Variants in CEP192 observed in about 807,000 individuals in gnomAD.
CEP192 encodes centrosomal protein of 192 kDa.
CEP192 carries 151 observed loss-of-function variants against 271.8 expected under a neutral mutation model. That is an observed-to-expected ratio of 0.56 (90% confidence interval 0.49 to 0.64). CEP192 has a LOEUF of 0.64. CEP192 is among the 30% of genes least tolerant of loss of function. The pLI, the probability that CEP192 is intolerant of heterozygous loss-of-function variation, is 0.00. For missense variants in CEP192, 2,910 were observed against 3,020.5 expected (o/e 0.96, Z 0.86); for synonymous variants, 995 against 1,076.5 (o/e 0.92, Z 1.48).
At chr18:13,091,705 A>C (rs1290724896) in intron 33 of CEP192, among the ~76,000 whole-genome samples, 2 of 152,234 alleles carry the variant, frequency 1.3e-5, no homozygotes, top group African/African-American at 2.4e-5. Flanking sequence ...TGACTCAAAG[A>C]CTATCTAATT....
At chr18:13,103,638 C>T (rs1165576317) in intron 39 of CEP192, 50 bp downstream of exon 39, 1 of 1,365,554 alleles carries the variant, frequency 7.3e-7, no homozygotes, top group Admixed American at 1.7e-5. Flanking sequence ...TAGACTTTAT[C>T]CAGGATGTTC....
intron 30 of CEP192, among the ~76,000 whole-genome samples, chr18:13,085,124 C>A (rs551915288): frequency 6.1e-4 from 92 of 152,040 alleles, no homozygotes; most frequent in African/African-American, 2.0e-3. Context: ...CGTGCCTGGT[C>A]GATTTGCATT....
At chr18:13,050,071 TA>T (rs2036696846) in intron 17 of CEP192, among the ~76,000 whole-genome samples, 180 bp downstream of exon 17, 1 of 152,136 alleles carries the variant, frequency 6.6e-6, no homozygotes, top group Non-Finnish European at 1.5e-5. Context: ...CTTTTTTTTT[TA>T]CTCTTTATAA....
intron 21 of CEP192, among the ~76,000 whole-genome samples, chr18:13,066,523 A>C (rs1250798669): frequency 6.6e-6 from 1 of 152,158 alleles, no homozygotes; most frequent in Admixed American, 6.5e-5. Flanking sequence ...TAGTCTTTGG[A>C]AGCGTCCCTT....
intron 32 of CEP192, among the ~76,000 whole-genome samples, chr18:13,088,544 A>G (rs569372686): frequency 1.3e-5 from 2 of 152,232 alleles, no homozygotes; most frequent in Non-Finnish European, 2.9e-5. Flanking sequence ...TGATTTAAAG[A>G]TATGAATTCT....
At chr18:12,995,344 G>A (rs149676340) in intron 1 of CEP192, among the ~76,000 whole-genome samples, 2 of 152,198 alleles carry the variant, frequency 1.3e-5, no homozygotes, top group African/African-American at 2.4e-5. Context: ...GATTACAGGC[G>A]TGAGCCACCA....
chr18:13,000,970 C>G (rs2033607825), intron 2 of CEP192, among the ~76,000 whole-genome samples: 1 of 152,180 alleles, frequency 6.6e-6, no homozygotes. Context: ...ACCCCCAAAA[C>G]TCAACCAGCT....
intron 30 of CEP192, among the ~76,000 whole-genome samples, chr18:13,086,625 A>G (rs892270268): frequency 1.3e-5 from 2 of 152,196 alleles, no homozygotes; most frequent in Non-Finnish European, 2.9e-5. Context: ...ATCTGTTCCT[A>G]TTTGGCCACC....
At chr18:13,103,658 A>T in intron 39 of CEP192, 70 bp downstream of exon 39, 1 of 1,181,772 alleles carries the variant, frequency 8.5e-7, no homozygotes, top group Non-Finnish European at 1.3e-6. Context: ...CTAAAAACTG[A>T]CTATGAGCAT....
chr18:13,037,323 C>A lies in CEP192; in HGVS notation c.1599+22C>A, dbSNP rs550357117. ...ACAGGTTTGTAATTATTTGTTTTAT[C>A]CAAAATTTAAAATTTTTCCTGTATT... On this transcript the variant is annotated intron_variant, in intron 12 of 44. Transcript: ENST00000506447. 2.2e-4 allele frequency: 247 copies of A among 1,124,052 alleles called. No individual in the cohort carries two copies. The African/African-American group carries it at 3.3e-3, about 15-fold the overall frequency. The allele number at this position is 1,124,052 out of a possible 1,614,324, so 69.6% of individuals were successfully genotyped here.
Position 13,100,469 on chromosome 18 carries a change from C to T in CEP192, c.6828C>T (p.Asn2276=). The change falls in exon 38 of 45, where the codon AAC becomes AAT. Residue 2276 remains asparagine, a synonymous_variant. Transcript: ENST00000506447. ...KPPSTKVEIR[N]KSITFPTTEP... ...CTTCCACAAAAGTTGAAATAAGAAA[C>T]AAGAGTATTACTTTTCCTACAACAG... is the stretch of plus-strand genomic sequence containing the variant. 6 of 1,613,910 alleles carry T rather than the reference C, an allele frequency of 3.7e-6. No homozygotes were observed. Among genetic ancestry groups the T allele is most frequent in the Non-Finnish European group, 5.1e-6 (6 of 1,179,950 alleles).
chr18:13,037,362 G>A (rs2035972754), intron 12 of CEP192, 61 bp downstream of exon 12: 2 of 688,080 alleles, frequency 2.9e-6, no homozygotes, highest in South Asian at 3.4e-5. Context: ...GTAAGTGTAG[G>A]CACAGTGTTC....
At chr18:13,116,812 T>C (rs1402140381) in intron 43 of CEP192, among the ~76,000 whole-genome samples, 1 of 152,120 alleles carries the variant, frequency 6.6e-6, no homozygotes, top group Admixed American at 6.5e-5. Context: ...GGTTTCACCG[T>C]GTTAGCCAGG....
At chr18:13,082,717 C>T (rs1219269525) in intron 30 of CEP192, among the ~76,000 whole-genome samples, 7 of 152,034 alleles carry the variant, frequency 4.6e-5, no homozygotes, top group East Asian at 1.9e-4. Context: ...TTCCTAGCCT[C>T]GATGGTCTTT....
At chr18:13,044,541 A>G (rs1250881711) in intron 15 of CEP192, among the ~76,000 whole-genome samples, 1 of 152,128 alleles carries the variant, frequency 6.6e-6, no homozygotes, top group Non-Finnish European at 1.5e-5. Context: ...AATCTTGCCG[A>G]GTGCTTCTCT....
chr18:13,085,237 G>A (rs141841105), intron 30 of CEP192, among the ~76,000 whole-genome samples: 6,619 of 151,966 alleles, frequency 0.044, 218 homozygotes, highest in East Asian at 0.14. Flanking sequence ...ACTTTTTGAT[G>A]GGATTTTTTT....
At chr18:13,122,624 T>C (rs994710808) in intron 44 of CEP192, among the ~76,000 whole-genome samples, 1 of 152,118 alleles carries the variant, frequency 6.6e-6, no homozygotes, top group Non-Finnish European at 1.5e-5. Flanking sequence ...GTGTGGTTGC[T>C]AGAATTTGTA....
intron 11 of CEP192, among the ~76,000 whole-genome samples, chr18:13,031,111 A>C (rs1440787755): frequency 6.6e-6 from 1 of 152,186 alleles, no homozygotes; most frequent in Non-Finnish European, 1.5e-5. Context: ...GTTTAGGTCT[A>C]CACAATGCCA....
intron 7 of CEP192, 120 bp from the exon 8 acceptor site, chr18:13,018,360 G>A (rs901177504): frequency 1.8e-5 from 10 of 570,698 alleles, no homozygotes; most frequent in African/African-American, 7.7e-5. Flanking sequence ...TGACAATGGC[G>A]ATTTTTCTAA....
Sources: allele counts gnomAD v4.1 joint callset (sites outside exome capture counted in the v4.1 genomes callset), GRCh38; gene constraint gnomAD v4.1.1; transcripts MANE v1.5; gene names NCBI Gene and HGNC (gene_info 2026-07-23, HGNC 2026-07-21).